Variants in NAV2 observed in about 807,000 individuals in gnomAD.
The protein encoded by NAV2 is helicase, APC down-regulated 1.
In NAV2, 54 loss-of-function variants were observed where a neutral mutation model predicts 223.2. The observed-to-expected ratio is 0.24, with a 90% CI of 0.19 to 0.30. The LOEUF (loss-of-function observed/expected upper bound fraction) is 0.30. Ranked by LOEUF, NAV2 falls within the 10% of genes least tolerant of loss-of-function variation. The pLI is 1.00. For missense variants in NAV2, 2,806 were observed against 3,147.5 expected, an observed-to-expected ratio of 0.89 and a Z score of 2.60; for synonymous variants, 1,279 against 1,239.3, an observed-to-expected ratio of 1.03 and a Z score of -0.67.
chr11:20,090,968 A>G lies in NAV2; in HGVS notation c.5602A>G (p.Ser1868Gly), dbSNP rs2060802278. 1.2e-6 allele frequency: 2 copies of G among 1,613,790 alleles called. No homozygotes were observed. Among genetic ancestry groups the G allele is most frequent in the South Asian group, 1.1e-5 (1 of 91,074 alleles). The part of the protein sequence containing the change: ...KLTDIRLEAL[S>G]SAHQLDQLRE... The stretch of plus-strand genomic sequence containing the variant: ...GACGGATATCCGCTTAGAAGCTCTC[A>G]GTTCTGCCCACCAGCTGGACCAGCT... Residue 1868 changes from serine (S) to glycine (G), a missense_variant, in exon 27 of 38, where the codon AGT (serine) becomes GGT (glycine). Transcript: ENST00000349880.
chr11:19,743,232 A>G (rs555910482), intron 1 of NAV2, among the ~76,000 whole-genome samples: 1 of 152,320 alleles, frequency 6.6e-6, no homozygotes, highest in South Asian at 2.1e-4. Flanking sequence ...ACTGCAAAGG[A>G]CCCTACAGGT....
intron 11 of NAV2, among the ~76,000 whole-genome samples, chr11:19,996,986 G>A (rs532167781): frequency 1.3e-5 from 2 of 152,084 alleles, no homozygotes; most frequent in Non-Finnish European, 2.9e-5. Flanking sequence ...AGCTGACCCT[G>A]AGGTTTGGAG....
intron 1 of NAV2, among the ~76,000 whole-genome samples, chr11:19,396,568 A>G (rs117141706): frequency 6.6e-6 from 1 of 152,178 alleles, no homozygotes; most frequent in Non-Finnish European, 1.5e-5. Flanking sequence ...CTCCAGAAGG[A>G]GCATGTGCTC....
intron 12 of NAV2, among the ~76,000 whole-genome samples, chr11:20,043,656 G>C (rs927947632): frequency 8.5e-5 from 13 of 152,184 alleles, no homozygotes; most frequent in Admixed American, 7.2e-4. Flanking sequence ...TGCCCAGGCT[G>C]GTCTTAAACT....
Position 19,770,831 on chromosome 11 carries a change from A to G in NAV2, c.267+56869A>G, listed in dbSNP as rs577691258. ...AAAAGCTCTCCTTCTGGTAATACTT[A>G]AAAGAAAATGTCAAGTACATATCCA... is the stretch of plus-strand genomic sequence containing the variant. On this transcript the variant is annotated intron_variant, in intron 1 of 37. Coordinates refer to ENST00000349880, the MANE Select transcript of NAV2 (RefSeq NM_145117.5). Among the ~76,000 whole-genome samples, 342 of 152,340 alleles carry G rather than the reference A, an allele frequency of 2.2e-3. 1 individual carries two copies. Among genetic ancestry groups the G allele is most frequent in the Non-Finnish European group, 3.6e-3 (248 of 68,034 alleles).
In NAV2 at chr11:19,685,870, G is replaced by T. The variant is rs553410461; in HGVS notation, c.76-146614G>T. Among the ~76,000 whole-genome samples, 38 of 152,286 alleles carry T rather than the reference G, an allele frequency of 2.5e-4. No homozygotes were observed. In the South Asian group the frequency reaches 7.7e-3, roughly 31 times the overall value. On this transcript the variant is annotated intron_variant, in intron 1 of 37. Coordinates refer to the NAV2 transcript ENST00000360655. ...AGCCTCCCACGCTCTGCACCAAGAG[G>T]TGCTTTTGGACTTAGACTGACTCTC...
upstream of NAV2, among the ~76,000 whole-genome samples, chr11:19,708,435 A>G (rs1230527028): frequency 6.6e-6 from 1 of 152,144 alleles, no homozygotes; most frequent in African/African-American, 2.4e-5. Flanking sequence ...AGGGTCTCCA[A>G]AAGGCTGTAG....
intron 1 of NAV2, among the ~76,000 whole-genome samples, chr11:19,524,067 C>T (rs1247667098): frequency 6.6e-6 from 1 of 152,198 alleles, no homozygotes. Flanking sequence ...TAGCACTTGT[C>T]AACCTGTATT....
intron 1 of NAV2, among the ~76,000 whole-genome samples, chr11:19,615,083 T>C (rs1408621865): frequency 6.6e-6 from 1 of 152,118 alleles, no homozygotes; most frequent in Admixed American, 6.5e-5. Context: ...GGGTACTTTA[T>C]ACCTATTGCC....
intron 1 of NAV2, among the ~76,000 whole-genome samples, chr11:19,763,645 C>T (rs898093666): frequency 1.3e-5 from 2 of 152,030 alleles, no homozygotes; most frequent in Non-Finnish European, 2.9e-5. Flanking sequence ...AATCCGTACT[C>T]GCATAGTTTC....
intron 6 of NAV2, among the ~76,000 whole-genome samples, chr11:19,902,006 G>C (rs1202334714): frequency 6.6e-6 from 1 of 152,164 alleles, no homozygotes; most frequent in African/African-American, 2.4e-5. Flanking sequence ...GCCCTAGCTG[G>C]AGAATCATCT....
chr11:19,791,453 G>A lies in NAV2; in HGVS notation c.268-41031G>A, dbSNP rs964926803. Among the ~76,000 whole-genome samples the A allele has an allele frequency of 1.5e-4, 23 of 152,240 alleles. 1 individual carries two copies. Among genetic ancestry groups the A allele is most frequent in the African/African-American group, 3.6e-4 (15 of 41,554 alleles). On this transcript the variant is annotated intron_variant, in intron 1 of 37. Coordinates refer to ENST00000349880, the MANE Select transcript of NAV2 (RefSeq NM_145117.5). ...GGTGTGGAGCCCCTGGGGAGCACAC[G>A]CTGGCATGACAGGAAGAAGCTGTGC...
In NAV2 at chr11:20,063,963, T is replaced by G. The variant is rs930039172; in HGVS notation, c.4884+1604T>G. On this transcript the variant is annotated intron_variant, in intron 20 of 37. Transcript: ENST00000349880. The stretch of plus-strand genomic sequence containing the variant: ...CAGTGATTGCTGATATGGTCTGTTT[T>G]GAAGGACCTAGAAACCCTTGCTTCT... Among the ~76,000 whole-genome samples, 8 of 152,206 alleles carry G rather than the reference T, an allele frequency of 5.3e-5. No individual in the cohort carries two copies. In the East Asian group the frequency reaches 1.5e-3, roughly 29 times the overall value.
chr11:19,987,898 C>T (rs1001128190), intron 11 of NAV2, among the ~76,000 whole-genome samples: 1 of 152,132 alleles, frequency 6.6e-6, no homozygotes, highest in Non-Finnish European at 1.5e-5. Flanking sequence ...TCATAGGCTC[C>T]AGATAACAGA....
intron 1 of NAV2, among the ~76,000 whole-genome samples, chr11:19,583,381 C>A (rs1475370426): frequency 6.6e-6 from 1 of 152,174 alleles, no homozygotes; most frequent in Non-Finnish European, 1.5e-5. Flanking sequence ...CCTTCTCCTG[C>A]CTGATTGCCC....
At chr11:19,702,484 C>A (rs943611880) in intron 1 of NAV2, among the ~76,000 whole-genome samples, 1 of 152,134 alleles carries the variant, frequency 6.6e-6, no homozygotes, top group African/African-American at 2.4e-5. Context: ...CACAGCAGGG[C>A]TTAATAAGTG....
At chr11:19,507,747 T>A (rs1276821723) in intron 1 of NAV2, among the ~76,000 whole-genome samples, 1 of 152,240 alleles carries the variant, frequency 6.6e-6, no homozygotes, top group East Asian at 1.9e-4. Context: ...AGCTTCCATT[T>A]ATTGAAGGCT....
At chr11:19,412,524 G>A (rs911182232) in intron 1 of NAV2, among the ~76,000 whole-genome samples, 7 of 151,996 alleles carry the variant, frequency 4.6e-5, no homozygotes, top group African/African-American at 7.2e-5. Context: ...CTGCTGAAAC[G>A]TCTCTCTGAA....
chr11:19,630,922 CA>C (rs10642100), intron 1 of NAV2, among the ~76,000 whole-genome samples: 30 of 100,120 alleles, frequency 3.0e-4, no homozygotes, highest in Non-Finnish European at 4.0e-4. Flanking sequence ...GGTCCTGTTG[CA>C]AAAAAAAAAA....
Sources: allele counts gnomAD v4.1 joint callset (sites outside exome capture counted in the v4.1 genomes callset), GRCh38; gene constraint gnomAD v4.1.1; transcripts MANE v1.5; gene names NCBI Gene and HGNC (gene_info 2026-07-23, HGNC 2026-07-21).